GALNT9: variants seen among roughly 807,000 people sequenced by gnomAD.
GALNT9 encodes the protein GalNAc transferase 9.
GALNT9 carries 47 observed loss-of-function variants against 63.1 expected under a neutral mutation model. That is an observed-to-expected ratio of 0.75 (90% CI 0.59 to 0.95). The LOEUF is 0.95. GALNT9 is among the 40% of genes least tolerant of loss of function. The probability of loss-of-function intolerance (pLI) is 0.00; values close to 1 mark genes in which losing one functional copy is unlikely to be tolerated. For synonymous variants in GALNT9, 396 were observed against 365.7 expected (o/e 1.08, Z -0.94); for missense variants, 829 against 874.8 (o/e 0.95, Z 0.66).
In GALNT9 at chr12:132,246,893, G is replaced by A. The variant is rs782067997; in HGVS notation, c.1077+1017C>T. On this transcript the variant is annotated intron_variant, in intron 6 of 10. Coordinates refer to ENST00000328957, the MANE Select transcript of GALNT9 (RefSeq NM_001122636.2). The surrounding 1 kb of genome is among the most constrained non-coding windows in gnomAD (Gnocchi z 4.7). ...AATCGCGGCCACGGGGAAGGAGGCC[G>A]TTTTATTGATTGAATTTGTGTCCAC... 3.9e-5 allele frequency among the ~76,000 whole-genome samples: 6 copies of A among 152,292 alleles called. No homozygotes were observed. The East Asian group carries it at 9.6e-4, about 24-fold the overall frequency.
intron 1 of GALNT9, among the ~76,000 whole-genome samples, chr12:132,287,259 G>C (rs1593105988): frequency 6.6e-6 from 1 of 152,360 alleles, no homozygotes; most frequent in East Asian, 1.9e-4. Context: ...CGCTGTGCCT[G>C]CGGGGCAGAG....
intron 2 of GALNT9, among the ~76,000 whole-genome samples, chr12:132,264,343 C>A (rs916762309): frequency 4.6e-5 from 7 of 152,334 alleles, no homozygotes; most frequent in African/African-American, 1.7e-4. Context: ...CTCTGCTCTC[C>A]GCTCAGCAGC....
At chr12:132,222,967 A>C (rs1877521261) in intron 6 of GALNT9, among the ~76,000 whole-genome samples, 6 of 124,842 alleles carry the variant, frequency 4.8e-5, no homozygotes, top group Admixed American at 1.6e-4. Flanking sequence ...ACCCCACACA[A>C]CCCGCACCCC....
chr12:132,287,724 G>A (rs1880659390), intron 1 of GALNT9, among the ~76,000 whole-genome samples: 1 of 152,204 alleles, frequency 6.6e-6, no homozygotes, highest in Non-Finnish European at 1.5e-5. Context: ...TCCGCAGCTT[G>A]GTCAGGGTGT....
At chr12:132,209,101 G>A (rs1362051322) in intron 6 of GALNT9, among the ~76,000 whole-genome samples, 9 of 151,456 alleles carry the variant, frequency 5.9e-5, no homozygotes, top group South Asian at 2.1e-4. Context: ...AAACCACATC[G>A]TGAACAGGGG....
At chr12:132,287,200 C>T (rs1880634498) in intron 1 of GALNT9, among the ~76,000 whole-genome samples, 1 of 152,138 alleles carries the variant, frequency 6.6e-6, no homozygotes, top group Non-Finnish European at 1.5e-5. Flanking sequence ...CTGCATCGGG[C>T]AGCATTGGCT....
At chr12:132,325,936 C>T (rs1034268769) in intron 1 of GALNT9, among the ~76,000 whole-genome samples, 11 of 152,280 alleles carry the variant, frequency 7.2e-5, no homozygotes, top group African/African-American at 1.9e-4. Flanking sequence ...TGAGTCCAGC[C>T]GCTGCGACGC....
In GALNT9 at chr12:132,316,639, C is replaced by T. The variant is rs538620776; in HGVS notation, c.238+12327G>A. On this transcript the variant is annotated intron_variant, in intron 1 of 10. Transcript: ENST00000328957. This position sits in a 1 kb window ranked among gnomAD's most constrained non-coding sequence, Gnocchi z 4.3. Reference sequence around the variant, plus strand: ...GGGTGTGTCCCTGCTCTCTTTCCTCCGCTTCAGCAAATTCCCCCGTGCTCT... The same window carrying T: ...GGGTGTGTCCCTGCTCTCTTTCCTCTGCTTCAGCAAATTCCCCCGTGCTCT... 1.1e-4 allele frequency among the ~76,000 whole-genome samples: 17 copies of T among 151,940 alleles called. No individual in the cohort carries two copies. The highest frequency in any genetic ancestry group is 3.9e-4 in the East Asian group (2 of 5,184).
intron 1 of GALNT9, among the ~76,000 whole-genome samples, chr12:132,291,438 GCCCACGTCCACATCA>G (rs1256987401): frequency 9.9e-5 from 5 of 50,676 alleles, no homozygotes; most frequent in Admixed American, 6.3e-4. Context: ...CAACCACAGC[GCCCACGTCCACATCA>G]CCCACATCCA....
At chr12:132,262,850 C>T (rs576698779) in intron 2 of GALNT9, among the ~76,000 whole-genome samples, 9 of 152,164 alleles carry the variant, frequency 5.9e-5, no homozygotes, top group Admixed American at 3.9e-4. Context: ...GTGCACCCTT[C>T]GAGGGTCACT....
chr12:132,203,396 A>T, intron 7 of GALNT9, 109 bp downstream of exon 7: 1 of 946,328 alleles, frequency 1.1e-6, no homozygotes, highest in Non-Finnish European at 1.6e-6. Context: ...CAACACACCC[A>T]CTCACACCTG....
At chr12:132,313,514 C>T (rs1881894150) in intron 1 of GALNT9, among the ~76,000 whole-genome samples, 1 of 142,340 alleles carries the variant, frequency 7.0e-6, no homozygotes, top group African/African-American at 2.6e-5. Context: ...ACCCACCCAC[C>T]CATCCACTTA....
intron 4 of GALNT9, among the ~76,000 whole-genome samples, chr12:132,258,407 G>A (rs1422529658): frequency 3.9e-5 from 6 of 152,230 alleles, no homozygotes; most frequent in South Asian, 2.1e-4. Flanking sequence ...GAGCTCGCAC[G>A]GTGTGGGATG....
Position 132,296,219 on chromosome 12 carries a change from G to A in GALNT9, c.239-9789C>T, listed in dbSNP as rs561525610. On this transcript the variant is annotated intron_variant, in intron 1 of 10. Coordinates refer to ENST00000328957, the MANE Select transcript of GALNT9 (RefSeq NM_001122636.2). The surrounding 1 kb of genome is among the most constrained non-coding windows in gnomAD (Gnocchi z 4.2). ...ACAGGGAGAGTGTCCGTTTCTGTTG[G>A]TCTAAGCCACGCAGTCTGTGGTGAT... 6.6e-6 allele frequency among the ~76,000 whole-genome samples: 1 copy of A among 152,404 alleles called. No individual in the cohort carries two copies. Among genetic ancestry groups the A allele is most frequent in the South Asian group, 2.1e-4 (1 of 4,830 alleles).
intron 5 of GALNT9, among the ~76,000 whole-genome samples, chr12:132,255,933 T>TG (rs1442598590): frequency 1.3e-5 from 2 of 151,848 alleles, no homozygotes; most frequent in African/African-American, 4.8e-5. Flanking sequence ...GGCTGTCTGC[T>TG]GTTTCTGTCC....
At chr12:132,320,354 G>C (rs1555246024) in intron 1 of GALNT9, among the ~76,000 whole-genome samples, 1 of 152,204 alleles carries the variant, frequency 6.6e-6, no homozygotes, top group Non-Finnish European at 1.5e-5. Context: ...CAGAGCCCTC[G>C]AGGGCCACGA....
intron 4 of GALNT9, among the ~76,000 whole-genome samples, chr12:132,258,866 A>G (rs576774562): frequency 6.6e-6 from 1 of 152,344 alleles, no homozygotes; most frequent in Non-Finnish European, 1.5e-5. Context: ...GGAGACCCAC[A>G]GGGCCAAAGC....
intron 2 of GALNT9, chr12:132,274,710 A>T (rs1880009800): frequency 6.6e-6 from 1 of 152,274 alleles, no homozygotes; most frequent in Non-Finnish European, 1.5e-5. Context: ...GTTTGAACGT[A>T]ACATTAAAAG....
chr12:132,311,187 T>C (rs782429525), intron 1 of GALNT9, among the ~76,000 whole-genome samples: 1 of 152,168 alleles, frequency 6.6e-6, no homozygotes, highest in Non-Finnish European at 1.5e-5. Flanking sequence ...GGCCTGCAAT[T>C]TGCTTTTTCC....
Sources: gnomAD v4.1 joint callset for allele counts (sites outside exome capture counted in the v4.1 genomes callset) on GRCh38, gnomAD v4.1.1 for gene constraint, Gnocchi (gnomAD v3.1) non-coding constraint, MANE v1.5 for transcripts, NCBI Gene and HGNC (gene_info 2026-07-23, HGNC 2026-07-21) for gene names.